The following ALK variants were observed in gnomAD, a reference collection of about 807,000 sequenced individuals.
The protein encoded by ALK is ALK receptor tyrosine kinase.
In ALK, 74 loss-of-function variants were observed where a neutral mutation model predicts 163.1. The observed-to-expected ratio is 0.45, with a 90% confidence interval of 0.38 to 0.55. The LOEUF (loss-of-function observed/expected upper bound fraction) is 0.55. Ranked by LOEUF, ALK falls within the 20% of genes least tolerant of loss-of-function variation. The pLI is 0.00. For synonymous variants in ALK, 960 were observed against 843.2 expected (o/e 1.14, Z -2.40); for missense variants, 2,063 against 2,105.3 (o/e 0.98, Z 0.39).
chr2:29,815,528 GAGA>G (rs1171759847), intron 1 of ALK, among the ~76,000 whole-genome samples: 4 of 152,140 alleles, frequency 2.6e-5, no homozygotes, highest in African/African-American at 4.8e-5. Flanking sequence ...TCTGAGGAAG[GAGA>G]AGTTCTTGTT....
At position 29,853,154 on chromosome 2, in the gene ALK, A is replaced by AAAG. The variant is rs879502244; in HGVS notation, c.667+66838_667+66839insCTT. Among the ~76,000 whole-genome samples the AAAG allele has an allele frequency of 3.9e-3, 590 of 152,308 alleles. 3 individuals are homozygous for AAAG. Among genetic ancestry groups the AAAG allele is most frequent in the African/African-American group, 0.014 (563 of 41,572 alleles). On this transcript the variant is annotated intron_variant, in intron 1 of 28. Transcript: ENST00000389048. ...ATATATGGGAATCGAAAGCAGCCTT[A>AAAG]TTGATTTAGGCTTTAAACATCATCA...
chr2:29,428,390 G>A (rs1416976101), intron 4 of ALK, among the ~76,000 whole-genome samples: 1 of 151,752 alleles, frequency 6.6e-6, no homozygotes, highest in Non-Finnish European at 1.5e-5. Context: ...GAATAAAAGA[G>A]AAAATACTTG....
At chr2:29,574,361 A>T (rs11692639) in intron 3 of ALK, among the ~76,000 whole-genome samples, 1 of 152,194 alleles carries the variant, frequency 6.6e-6, no homozygotes, top group Non-Finnish European at 1.5e-5. Context: ...CGAAACGTAC[A>T]TGAGGGGGTT....
At chr2:29,705,506 T>G (rs1218334845) in intron 2 of ALK, among the ~76,000 whole-genome samples, 1 of 151,552 alleles carries the variant, frequency 6.6e-6, no homozygotes, top group African/African-American at 2.4e-5. Context: ...AGAACAGACA[T>G]CCTTCTTTCC....
intron 4 of ALK, among the ~76,000 whole-genome samples, chr2:29,531,693 C>T (rs1442730329): frequency 6.6e-5 from 10 of 152,182 alleles, no homozygotes; most frequent in Non-Finnish European, 1.3e-4. Flanking sequence ...GCAGCTGGTC[C>T]TCTGGCTTCT....
chr2:29,278,436 A>G (rs1216344314), intron 9 of ALK, among the ~76,000 whole-genome samples: 1 of 152,106 alleles, frequency 6.6e-6, no homozygotes, highest in African/African-American at 2.4e-5. Context: ...CCAGGAGAGG[A>G]GGCAGAGGCA....
intron 1 of ALK, among the ~76,000 whole-genome samples, chr2:29,873,485 G>C (rs935334538): frequency 6.6e-6 from 1 of 152,104 alleles, no homozygotes; most frequent in Non-Finnish European, 1.5e-5. Context: ...ATGGTGATGG[G>C]GGACAGTGAT....
chr2:29,741,399 G>C (rs1010004710), intron 1 of ALK, among the ~76,000 whole-genome samples: 1 of 152,208 alleles, frequency 6.6e-6, no homozygotes. Flanking sequence ...CAGTGGGGGA[G>C]CTATGCATTG....
chr2:29,851,581 C>T (rs1256032080), intron 1 of ALK, among the ~76,000 whole-genome samples: 2 of 152,182 alleles, frequency 1.3e-5, no homozygotes, highest in Non-Finnish European at 2.9e-5. Context: ...TCCTGGAGGG[C>T]TTTTGGGCTC....
At chr2:29,566,184 T>C (rs1674183334) in intron 3 of ALK, among the ~76,000 whole-genome samples, 2 of 152,192 alleles carry the variant, frequency 1.3e-5, no homozygotes, top group African/African-American at 4.8e-5. Flanking sequence ...TTCTGCATGT[T>C]CGCGAGGGCC....
chr2:29,787,573 T>C (rs1664069517), intron 1 of ALK, among the ~76,000 whole-genome samples: 1 of 152,048 alleles, frequency 6.6e-6, no homozygotes, highest in South Asian at 2.1e-4. Flanking sequence ...GGAAAGAGAG[T>C]AGCCCAGGAA....
intron 5 of ALK, among the ~76,000 whole-genome samples, chr2:29,358,049 A>G (rs940116982): frequency 2.0e-5 from 3 of 152,246 alleles, no homozygotes; most frequent in Non-Finnish European, 4.4e-5. Context: ...AAGTTTTCAC[A>G]GATGGTAAAC....
chr2:29,523,388 T>C (rs1303031698), intron 4 of ALK, among the ~76,000 whole-genome samples: 1 of 152,088 alleles, frequency 6.6e-6, no homozygotes, highest in Non-Finnish European at 1.5e-5. Flanking sequence ...GTCGTCCAAC[T>C]CCAAACCTTG....
intron 3 of ALK, among the ~76,000 whole-genome samples, chr2:29,591,339 C>T (rs1287107737): frequency 6.6e-6 from 1 of 152,124 alleles, no homozygotes; most frequent in Non-Finnish European, 1.5e-5. Context: ...AGATTTAAAG[C>T]TGCTCTTGAA....
At chr2:29,524,176 T>C (rs750636698) in intron 4 of ALK, among the ~76,000 whole-genome samples, 3 of 152,186 alleles carry the variant, frequency 2.0e-5, no homozygotes, top group Non-Finnish European at 2.9e-5. Context: ...CTAGCTTCAA[T>C]TGATATGTTA....
intron 1 of ALK, among the ~76,000 whole-genome samples, chr2:29,793,028 AT>A (rs35776252): frequency 0.82 from 125,112 of 152,142 alleles, 56,205 homozygotes; most frequent in Non-Finnish European, 0.99. Flanking sequence ...GTTTGATAGC[AT>A]TTTGCCCACA....
intron 6 of ALK, 142 bp downstream of exon 6, chr2:29,328,207 GT>G (rs1667331172): frequency 2.6e-6 from 3 of 1,171,112 alleles, no homozygotes; most frequent in Admixed American, 3.7e-5. Context: ...CTTGAAGACT[GT>G]GTGGCTTTGC....
rs553368539 is a variant in ALK, at chr2:29,487,128, C to T, written c.1154+44787G>A. Among the ~76,000 whole-genome samples the T allele has an allele frequency of 5.3e-5, 8 of 152,212 alleles. No individual in the cohort carries two copies. The East Asian group carries it at 7.7e-4, about 15-fold the overall frequency. On this transcript the variant is annotated intron_variant, in intron 4 of 28. Transcript: ENST00000389048. ...CTGGAAAGTAGAATTAATTAACAAG[C>T]GATACTCTAACTTTCCGTCCTTTAG...
At chr2:29,710,227 C>A (rs1251857698) in intron 2 of ALK, among the ~76,000 whole-genome samples, 1 of 152,132 alleles carries the variant, frequency 6.6e-6, no homozygotes, top group Non-Finnish European at 1.5e-5. Context: ...TGCCTTCTGC[C>A]ACGATTGTGA....
Sources: allele counts gnomAD v4.1 joint callset (sites outside exome capture counted in the v4.1 genomes callset), GRCh38; gene constraint gnomAD v4.1.1; transcripts MANE v1.5; gene names NCBI Gene and HGNC (gene_info 2026-07-23, HGNC 2026-07-21).